GARIN1B: variants seen among roughly 807,000 people sequenced by gnomAD.
GARIN1B encodes the protein golgi associated RAB2 interactor 1B.
chr7:128,716,979 C>T, the GARIN1B span: 11 of 1,610,866 alleles, frequency 6.8e-6, no homozygotes, highest in Non-Finnish European at 9.3e-6. Flanking sequence ...TCCATAGCCC[C>T]CAACATCTTC....
At chr7:128,721,559 C>G in the GARIN1B span, among the ~76,000 whole-genome samples, 9 of 152,150 alleles carry the variant, frequency 5.9e-5, no homozygotes, top group Non-Finnish European at 1.3e-4. Flanking sequence ...AGGACAGTTT[C>G]ATATCTTCAT....
At chr7:128,714,833 T>A in the GARIN1B span, among the ~76,000 whole-genome samples, 1 of 152,098 alleles carries the variant, frequency 6.6e-6, no homozygotes, top group African/African-American at 2.4e-5. Flanking sequence ...AGCCTCTGGA[T>A]AAGAAACTAA....
chr7:128,730,992 T>C, the GARIN1B span: 10 of 1,018,028 alleles, frequency 9.8e-6, no homozygotes, highest in East Asian at 1.4e-4. Flanking sequence ...ATACCTATTA[T>C]AGATAGTTGA....
chr7:128,717,758 G>GT, the GARIN1B span, among the ~76,000 whole-genome samples: 424 of 145,516 alleles, frequency 2.9e-3, 4 homozygotes, highest in African/African-American at 6.0e-3. Context: ...GGTTTTTTTT[G>GT]TTTTTTTTTT....
the GARIN1B span, chr7:128,723,060 G>C: frequency 9.7e-7 from 1 of 1,025,774 alleles, no homozygotes; most frequent in Non-Finnish European, 1.4e-6. Flanking sequence ...CCTCAGAATT[G>C]CCTCTGTGAG....
the GARIN1B span, chr7:128,709,113 G>C: frequency 1.3e-5 from 2 of 152,348 alleles, no homozygotes; most frequent in Admixed American, 6.5e-5. Flanking sequence ...GCAGGAGCTG[G>C]AGCAGCCACC....
chr7:128,716,857 C>T, the GARIN1B span: 1 of 1,613,608 alleles, frequency 6.2e-7, no homozygotes, highest in Non-Finnish European at 8.5e-7. Flanking sequence ...AAGCTTCCAA[C>T]ACCATGGCCC....
the GARIN1B span, chr7:128,724,949 G>A: frequency 9.0e-7 from 1 of 1,112,246 alleles, no homozygotes; most frequent in Non-Finnish European, 1.1e-6. Context: ...AAACCTGGGG[G>A]CTCAGTCTTC....
At chr7:128,716,640 G>T in the GARIN1B span, among the ~76,000 whole-genome samples, 2 of 152,132 alleles carry the variant, frequency 1.3e-5, no homozygotes, top group Non-Finnish European at 2.9e-5. Flanking sequence ...AGAACTAGTA[G>T]GTAGAGGTCA....
At chr7:128,720,323 C>G in the GARIN1B span, among the ~76,000 whole-genome samples, 5 of 152,038 alleles carry the variant, frequency 3.3e-5, no homozygotes, top group South Asian at 6.2e-4. Context: ...CTCAGCCTCC[C>G]AAGTAGCTGG....
chr7:128,714,162 C>T, the GARIN1B span: 55 of 1,534,086 alleles, frequency 3.6e-5, no homozygotes, highest in Non-Finnish European at 4.6e-5. Flanking sequence ...TTAGGCTTCT[C>T]CCTGACTTTA....
At chr7:128,719,160 G>T in the GARIN1B span, 1 of 1,501,024 alleles carries the variant, frequency 6.7e-7, no homozygotes. Flanking sequence ...GTATGTGAGT[G>T]CCCTATGAAG....
the GARIN1B span, among the ~76,000 whole-genome samples, chr7:128,717,820 G>A: frequency 3.3e-5 from 5 of 151,654 alleles, no homozygotes; most frequent in Non-Finnish European, 7.4e-5. Context: ...GTAGCATATA[G>A]TGACATCATG....
the GARIN1B span, chr7:128,731,387 G>A: frequency 1.9e-6 from 1 of 537,090 alleles, no homozygotes; most frequent in Non-Finnish European, 3.3e-6. Context: ...AAGGAAAGGA[G>A]TGAAAGGGAA....
the GARIN1B span, chr7:128,718,687 C>A: frequency 1.0e-6 from 1 of 980,764 alleles, no homozygotes; most frequent in Non-Finnish European, 1.5e-6. Flanking sequence ...GTCTCCCCAA[C>A]AATTGAGCAG....
At chr7:128,718,358 G>A in the GARIN1B span, among the ~76,000 whole-genome samples, 1 of 151,310 alleles carries the variant, frequency 6.6e-6, no homozygotes, top group Non-Finnish European at 1.5e-5. Flanking sequence ...CTTGAACCTA[G>A]GAGGCGGAGG....
chr7:128,719,891 G>T, the GARIN1B span, among the ~76,000 whole-genome samples: 1 of 151,416 alleles, frequency 6.6e-6, no homozygotes, highest in Admixed American at 6.6e-5. Flanking sequence ...GTAGAGATGG[G>T]GTTTCACCAT....
chr7:128,729,906 A>G, the GARIN1B span: 1 of 1,613,016 alleles, frequency 6.2e-7, no homozygotes, highest in Admixed American at 1.7e-5. Flanking sequence ...ATCTAGGGAA[A>G]GATTCTTCCC....
the GARIN1B span, among the ~76,000 whole-genome samples, chr7:128,729,178 G>A: frequency 6.6e-6 from 1 of 152,156 alleles, no homozygotes; most frequent in African/African-American, 2.4e-5. Flanking sequence ...CGGCGAGGGA[G>A]TGTAGTCTCT....
Sources: gnomAD v4.1 joint callset for allele counts (sites outside exome capture counted in the v4.1 genomes callset) on GRCh38, gnomAD v4.1.1 for gene constraint, MANE v1.5 for transcripts, NCBI Gene and HGNC (gene_info 2026-07-23, HGNC 2026-07-21) for gene names.